Variants in DIP2C observed in about 807,000 individuals in gnomAD.
DIP2C encodes disco-interacting protein 2 homolog C.
A neutral mutation model predicts 192.4 loss-of-function variants in DIP2C; 33 were observed. The ratio of observed to expected loss-of-function variants is 0.17; its 90% CI spans 0.13 to 0.23. DIP2C has a LOEUF of 0.23. DIP2C is among the 10% of genes least tolerant of loss of function. DIP2C has a pLI of 1.00. For missense variants in DIP2C, 1,537 were observed against 2,110.1 expected (o/e 0.73, Z 5.32); for synonymous variants, 979 against 864.1 (o/e 1.13, Z -2.33).
intron 5 of DIP2C, 147 bp from the exon 6 acceptor site, chr10:419,346 C>G (rs1448499440): frequency 2.7e-6 from 3 of 1,109,826 alleles, no homozygotes; most frequent in South Asian, 2.9e-5. Context: ...GCCGCATCTG[C>G]CACACACATC....
chr10:288,358 AC>A lies in DIP2C; in HGVS notation c.4044+5del. 3 of 1,613,906 alleles carry A rather than the reference AC, an allele frequency of 1.9e-6. No homozygotes were observed. Among genetic ancestry groups the A allele is most frequent in the Non-Finnish European group, 2.5e-6 (3 of 1,179,828 alleles). On this transcript the variant is annotated splice_donor_5th_base_variant and intron_variant, in intron 33 of 36. Coordinates refer to ENST00000280886, the MANE Select transcript of DIP2C (RefSeq NM_014974.3). ...AGAAATGCGTGCCTCTTCCTATAAT[AC>A]TTACCTTTCCCGATTCCATCAGGGG...
chr10:521,618 T>C (rs989842944), intron 1 of DIP2C, among the ~76,000 whole-genome samples: 21 of 152,230 alleles, frequency 1.4e-4, no homozygotes, highest in Middle Eastern at 3.2e-3. Flanking sequence ...TCACTGATAC[T>C]GTAATTAACT....
rs75588370 is a variant in DIP2C at position 405,781 on chromosome 10, A to T, written c.1149+3145T>A. Among the ~76,000 whole-genome samples the T allele has an allele frequency of 6.8e-3, 1,034 of 152,264 alleles. 3 individuals are homozygous for T. Among genetic ancestry groups the T allele is most frequent in the South Asian group, 0.014 (68 of 4,828 alleles). Reference sequence around the variant, plus strand: ...AGACGCACACTCAACTCTTCAGGGGAGCAAAGGCCTTTCCGGCTGAAGGAT... The same window carrying T: ...AGACGCACACTCAACTCTTCAGGGGTGCAAAGGCCTTTCCGGCTGAAGGAT... On this transcript the variant is annotated intron_variant, in intron 9 of 36. Coordinates refer to ENST00000280886, the MANE Select transcript of DIP2C (RefSeq NM_014974.3).
At chr10:442,875 G>A (rs757375160) in intron 3 of DIP2C, among the ~76,000 whole-genome samples, 2 of 152,106 alleles carry the variant, frequency 1.3e-5, no homozygotes, top group Non-Finnish European at 2.9e-5. Flanking sequence ...ATCCAATCCA[G>A]GATCATGAAT....
chr10:563,591 A>G (rs1849322981), intron 1 of DIP2C, among the ~76,000 whole-genome samples: 1 of 152,246 alleles, frequency 6.6e-6, no homozygotes, highest in Non-Finnish European at 1.5e-5. Flanking sequence ...AAATATAATT[A>G]TAGCAGAATT....
chr10:607,778 T>C (rs1006876893), intron 1 of DIP2C, among the ~76,000 whole-genome samples: 2 of 152,048 alleles, frequency 1.3e-5, no homozygotes, highest in Non-Finnish European at 2.9e-5. Flanking sequence ...TGGAAACCTC[T>C]TCTTAGACAA....
intron 1 of DIP2C, among the ~76,000 whole-genome samples, chr10:595,215 A>G (rs1851634336): frequency 6.6e-6 from 1 of 152,178 alleles, no homozygotes; most frequent in Admixed American, 6.5e-5. Context: ...CTGTACAGCC[A>G]ACGTCCCCTC....
At chr10:650,455 G>C (rs1448311650) in intron 1 of DIP2C, 1 of 707,948 alleles carries the variant, frequency 1.4e-6, no homozygotes, top group South Asian at 1.5e-5. Flanking sequence ...AGGTGACCCG[G>C]TTATCGTTCC....
chr10:583,509 CTT>C (rs976693338), intron 1 of DIP2C, among the ~76,000 whole-genome samples: 3 of 152,234 alleles, frequency 2.0e-5, no homozygotes, highest in African/African-American at 7.2e-5. Flanking sequence ...ATCGATATAA[CTT>C]TGTAAGCAGT....
chr10:356,746 G>C (rs1376192957), intron 23 of DIP2C, among the ~76,000 whole-genome samples: 1 of 152,328 alleles, frequency 6.6e-6, no homozygotes, highest in South Asian at 2.1e-4. Context: ...CACAGCACCC[G>C]AGTCAGGGTC....
At chr10:517,139 G>GC (rs1846415329) in intron 1 of DIP2C, among the ~76,000 whole-genome samples, 1 of 151,852 alleles carries the variant, frequency 6.6e-6, no homozygotes, top group African/African-American at 2.4e-5. Context: ...CTGCATGGCC[G>GC]CCCCTCTCCG....
rs899966719 is a variant in DIP2C, at chr10:393,154, A to C, written c.1261-2291T>G. On this transcript the variant is annotated intron_variant, in intron 10 of 36. Coordinates refer to ENST00000280886, the MANE Select transcript of DIP2C (RefSeq NM_014974.3). The stretch of plus-strand genomic sequence containing the variant: ...CGGGAAACAGGTGCTACATCTCAGG[A>C]AAGTGAATAAAAAGAATCCTCCCAG... Among the ~76,000 whole-genome samples the C allele has an allele frequency of 1.1e-3, 169 of 152,318 alleles. 1 individual carries two copies. Among genetic ancestry groups the C allele is most frequent in the African/African-American group, 3.9e-3 (164 of 41,578 alleles).
At chr10:687,158 A>G (rs948533910) in intron 1 of DIP2C, among the ~76,000 whole-genome samples, 1 of 152,266 alleles carries the variant, frequency 6.6e-6, no homozygotes, top group Non-Finnish European at 1.5e-5. Flanking sequence ...AAGCAGATAC[A>G]TTGAGGAATT....
chr10:300,519 G>C (rs897665639), intron 32 of DIP2C, among the ~76,000 whole-genome samples: 1 of 152,306 alleles, frequency 6.6e-6, no homozygotes, highest in Admixed American at 6.5e-5. Context: ...GATTTAATGA[G>C]GACAATATTA....
chr10:601,753 C>T lies in DIP2C; in HGVS notation c.85+87741G>A, dbSNP rs1852087318. On this transcript the variant is annotated intron_variant, in intron 1 of 36. Transcript: ENST00000280886. ...CAGGGCCAGCCGAAACTGTTCTCTC[C>T]TTCACAGGGAAGGGGGAACAAGGCC... Among the ~76,000 whole-genome samples, 2 of 152,322 alleles carry T rather than the reference C, an allele frequency of 1.3e-5. 1 individual carries two copies. The highest frequency in any genetic ancestry group is 4.1e-4 in the South Asian group (2 of 4,824).
At chr10:389,947 CGGTTA>C (rs781245961) in intron 13 of DIP2C, 39 bp downstream of exon 13, 1 of 1,513,034 alleles carries the variant, frequency 6.6e-7, no homozygotes, top group African/African-American at 1.4e-5. Flanking sequence ...TCAGGTGTCC[CGGTTA>C]GAACCAGGGT....
chr10:369,552 G>A lies in DIP2C; in HGVS notation c.2073C>T (p.Asp691=), dbSNP rs371041778. The change falls in exon 18 of 37, where the codon GAC becomes GAT. Residue 691 remains aspartate, a synonymous_variant. Transcript: ENST00000280886. ...HGLTYGVIRV[D]SEEKLSVLTV... Reference sequence around the variant, plus strand: ...TGAGCACGGACAGCTTCTCTTCCGAGTCCACACGAATGACCCCATAGGTCA... The same window carrying A: ...TGAGCACGGACAGCTTCTCTTCCGAATCCACACGAATGACCCCATAGGTCA... The A allele has an allele frequency of 2.2e-5, 35 of 1,594,924 alleles. No individual in the cohort carries two copies. Among genetic ancestry groups the A allele is most frequent in the Non-Finnish European group, 2.7e-5 (31 of 1,168,676 alleles).
intron 4 of DIP2C, among the ~76,000 whole-genome samples, chr10:440,454 T>C (rs755269764): frequency 1.3e-5 from 2 of 152,234 alleles, no homozygotes; most frequent in Non-Finnish European, 2.9e-5. Context: ...ACTGCCTAAA[T>C]TGTCCAATTT....
chr10:551,634 C>G (rs549548207), intron 1 of DIP2C, among the ~76,000 whole-genome samples: 1 of 152,210 alleles, frequency 6.6e-6, no homozygotes, highest in Non-Finnish European at 1.5e-5. Flanking sequence ...GACTCAGCCC[C>G]GAGTGTGAAC....
Sources: allele counts gnomAD v4.1 joint callset (sites outside exome capture counted in the v4.1 genomes callset), GRCh38; gene constraint gnomAD v4.1.1; transcripts MANE v1.5; gene names NCBI Gene and HGNC (gene_info 2026-07-23, HGNC 2026-07-21).